OAS2: variants seen among roughly 807,000 people sequenced by gnomAD.
OAS2 encodes 2'-5'-oligoadenylate synthetase 2.
A neutral mutation model predicts 71.3 loss-of-function variants in OAS2; 67 were observed. The observed-to-expected ratio is 0.94, with a 90% CI of 0.77 to 1.15. The LOEUF is 1.15. Among genes scored for constraint, OAS2 ranks in the 50% most tolerant of loss-of-function variants. OAS2 has a pLI of 0.00. For missense variants in OAS2, 789 were observed against 822.5 expected (o/e 0.96, Z 0.50); for synonymous variants, 327 against 321.8 (o/e 1.02, Z -0.17).
chr12:113,006,006 T>A (rs2136394381), intron 7 of OAS2, among the ~76,000 whole-genome samples: 1 of 144,604 alleles, frequency 6.9e-6, no homozygotes. Context: ...AAAGTCCAGA[T>A]CAGTGTCGTC....
chr12:112,983,963 C>T (rs543910137), intron 1 of OAS2, among the ~76,000 whole-genome samples: 2 of 152,238 alleles, frequency 1.3e-5, no homozygotes, highest in East Asian at 3.9e-4. Context: ...TTCATTAGGT[C>T]CATTTGGACT....
chr12:112,993,074 A>G (rs932978168), intron 2 of OAS2, among the ~76,000 whole-genome samples: 1 of 152,146 alleles, frequency 6.6e-6, no homozygotes, highest in Non-Finnish European at 1.5e-5. Flanking sequence ...TTTTTCTGCA[A>G]GGAAACACAG....
intron 5 of OAS2, among the ~76,000 whole-genome samples, chr12:113,000,502 A>G (rs893621213): frequency 1.0e-4 from 15 of 148,796 alleles, no homozygotes; most frequent in African/African-American, 3.5e-4. Context: ...ACACACACGT[A>G]CATGCATACA....
rs528690393 is a variant in OAS2, at chr12:112,980,363, G to A, written c.177+1578G>A. Among the ~76,000 whole-genome samples, 457 of 152,176 alleles carry A rather than the reference G, an allele frequency of 3.0e-3. 1 individual carries two copies. The highest frequency in any genetic ancestry group is 0.01 in the African/African-American group (434 of 41,510). On this transcript the variant is annotated intron_variant, in intron 1 of 9. Coordinates refer to ENST00000392583, the MANE Select transcript of OAS2 (RefSeq NM_002535.3). ...TAGAATTTATCCCTTCTATCTAACTGTATGTTTGTATCCATTAACCAACTT... is the reference window on the plus strand; with the variant it reads ...TAGAATTTATCCCTTCTATCTAACTATATGTTTGTATCCATTAACCAACTT...
In OAS2 at chr12:113,010,780, A is replaced by T. The variant is rs1347636730; in HGVS notation, c.*1525A>T. ...TCCTCCTTTTTCCTTCCAGTCTAAA[A>T]AAGGAATCCTCTGTGTCTTCAAAGC... On this transcript the variant is annotated 3_prime_UTR_variant, in exon 10 of 10. Transcript: ENST00000392583. The T allele has an allele frequency of 9.4e-6, 2 of 213,118 alleles. No individual in the cohort carries two copies. The highest frequency in any genetic ancestry group is 1.9e-5 in the Non-Finnish European group (2 of 107,476). The allele number at this position is 213,118 out of a possible 1,614,324, so 13.2% of individuals were successfully genotyped here.
chr12:113,004,827 C>G, intron 6 of OAS2, 107 bp from the exon 7 acceptor site: 4 of 1,101,656 alleles, frequency 3.6e-6, no homozygotes, highest in Non-Finnish European at 5.3e-6. Context: ...TAACGCAGAA[C>G]TTGGCCTTGG....
chr12:112,993,060 C>G (rs966426616), intron 2 of OAS2, among the ~76,000 whole-genome samples: 1 of 152,172 alleles, frequency 6.6e-6, no homozygotes, highest in African/African-American at 2.4e-5. Context: ...TTATTATAAG[C>G]TCCTTTTTCT....
Position 112,990,844 on chromosome 12 carries a change from G to T in OAS2, c.448+3536G>T, listed in dbSNP as rs114469542. The stretch of plus-strand genomic sequence containing the variant: ...GATTGTGCCTGAATTCCAAAGGGAG[G>T]AGGGTATAATGAGGTGTCTGAGCTC... On this transcript the variant is annotated intron_variant, in intron 2 of 9. Transcript: ENST00000392583. Among the ~76,000 whole-genome samples the T allele has an allele frequency of 5.1e-3, 773 of 152,294 alleles. 8 individuals are homozygous for T. Among genetic ancestry groups the T allele is most frequent in the African/African-American group, 0.018 (739 of 41,552 alleles).
At chr12:112,986,930 T>C in intron 1 of OAS2, 108 bp from the exon 2 acceptor site, 1 of 1,439,232 alleles carries the variant, frequency 6.9e-7, no homozygotes, top group Non-Finnish European at 9.4e-7. Context: ...CCACTCAATG[T>C]TAAGACCATT....
At chr12:112,991,404 C>T (rs2044191490) in intron 2 of OAS2, among the ~76,000 whole-genome samples, 1 of 152,260 alleles carries the variant, frequency 6.6e-6, no homozygotes. Flanking sequence ...ACCCGTAACA[C>T]AGCCTCAGGA....
chr12:112,995,536 A>G, intron 3 of OAS2, 62 bp downstream of exon 3: 1 of 1,484,802 alleles, frequency 6.7e-7, no homozygotes. Flanking sequence ...GATAATTGAC[A>G]TCCAGTAAAG....
Position 113,009,463 on chromosome 12 carries a change from C to T in OAS2, c.*208C>T. On this transcript the variant is annotated 3_prime_UTR_variant, in exon 10 of 10. Coordinates refer to ENST00000392583, the MANE Select transcript of OAS2 (RefSeq NM_002535.3). The stretch of plus-strand genomic sequence containing the variant: ...GCACTGTAGGGTGCTGCGCAGCATC[C>T]CTAGTCTCTACCCAGTAGATGCCAC... The T allele has an allele frequency of 1.5e-6, 2 of 1,351,442 alleles. No individual in the cohort carries two copies. Among genetic ancestry groups the T allele is most frequent in the South Asian group, 1.8e-5 (1 of 55,274 alleles). 83.7% of individuals were successfully genotyped at this position (1,351,442 alleles called of 1,614,324 possible).
intron 1 of OAS2, among the ~76,000 whole-genome samples, chr12:112,983,216 T>C (rs1473406894): frequency 6.6e-6 from 1 of 152,102 alleles, no homozygotes; most frequent in African/African-American, 2.4e-5. Flanking sequence ...TTAGGTTTGG[T>C]TTATTCTTGC....
At chr12:112,998,985 T>G (rs2044260322) in intron 5 of OAS2, among the ~76,000 whole-genome samples, 1 of 152,152 alleles carries the variant, frequency 6.6e-6, no homozygotes, top group Non-Finnish European at 1.5e-5. Context: ...GACTGTGAAG[T>G]GCAAAATGGA....
At chr12:112,983,070 A>G (rs1167488133) in intron 1 of OAS2, among the ~76,000 whole-genome samples, 1 of 151,574 alleles carries the variant, frequency 6.6e-6, no homozygotes, top group Non-Finnish European at 1.5e-5. Context: ...CTCTTTTTTT[A>G]GTCTATTTAG....
chr12:112,991,523 C>T lies in OAS2; in HGVS notation c.449-3773C>T, dbSNP rs1329195294. ...ATGTAAGGTGAACAATGGTTCACTC[C>T]GGAAAGGCGGGACAACTCGAAGCAA... is the stretch of plus-strand genomic sequence containing the variant. On this transcript the variant is annotated intron_variant, in intron 2 of 9. Coordinates refer to ENST00000392583, the MANE Select transcript of OAS2 (RefSeq NM_002535.3). Among the ~76,000 whole-genome samples, 4 of 140,194 alleles carry T rather than the reference C, an allele frequency of 2.9e-5. No individual in the cohort carries two copies. The East Asian group carries it at 1.6e-3, about 58-fold the overall frequency. The allele number at this position is 140,194 out of a possible 152,430, so 92.0% of individuals were successfully genotyped here.
chr12:113,000,507 C>T, intron 5 of OAS2, among the ~76,000 whole-genome samples: 1 of 140,800 alleles, frequency 7.1e-6, no homozygotes, highest in East Asian at 2.0e-4. Context: ...CACGTACATG[C>T]ATACACAAAC....
chr12:113,003,021 T>C lies in OAS2; in HGVS notation c.1098T>C (p.Ile366=). 1 of 1,614,164 alleles carries C rather than the reference T, an allele frequency of 6.2e-7. No homozygotes were observed. Among genetic ancestry groups the C allele is most frequent in the East Asian group, 2.2e-5 (1 of 44,882 alleles). The change falls in exon 6 of 10, where the codon ATT becomes ATC. Residue 366 remains isoleucine, a synonymous_variant. Transcript: ENST00000392583. ...LQPNKCFLEQ[I]DSAVNIIRTF... ...CCAACAAATGCTTCCTAGAGCAGAT[T>C]GACAGTGCTGTTAACATCATCCGTA...
chr12:112,997,330 A>G (rs2044242500), intron 3 of OAS2, among the ~76,000 whole-genome samples, 190 bp from the exon 4 acceptor site: 1 of 152,102 alleles, frequency 6.6e-6, no homozygotes, highest in South Asian at 2.1e-4. Flanking sequence ...CAGACACCTA[A>G]GAGAGGTCCC....
Sources: allele counts gnomAD v4.1 joint callset (sites outside exome capture counted in the v4.1 genomes callset), GRCh38; gene constraint gnomAD v4.1.1; transcripts MANE v1.5; gene names NCBI Gene and HGNC (gene_info 2026-07-23, HGNC 2026-07-21).